TBC1D15: variants seen among roughly 807,000 people sequenced by gnomAD.
TBC1D15 encodes GAP for RAB7.
A neutral mutation model predicts 95.4 loss-of-function variants in TBC1D15; 39 were observed. The observed-to-expected ratio is 0.41, with a 90% CI of 0.32 to 0.53. The LOEUF is 0.53. Ranked by LOEUF, TBC1D15 falls within the 20% of genes least tolerant of loss-of-function variation. TBC1D15 has a pLI of 0.29. For missense variants in TBC1D15, 733 were observed against 794.3 expected, an observed-to-expected ratio of 0.92 and a Z score of 0.93; for synonymous variants, 258 against 261.3, an observed-to-expected ratio of 0.99 and a Z score of 0.12.
At chr12:71,900,677 A>G (rs558695175) in intron 10 of TBC1D15, among the ~76,000 whole-genome samples, 21 of 152,264 alleles carry the variant, frequency 1.4e-4, no homozygotes, top group African/African-American at 5.1e-4. Context: ...GCCCTAAAGG[A>G]GTTTTCATTC....
At chr12:71,904,165 A>G (rs973908196) in intron 10 of TBC1D15, among the ~76,000 whole-genome samples, 2 of 152,260 alleles carry the variant, frequency 1.3e-5, no homozygotes, top group Non-Finnish European at 2.9e-5. Flanking sequence ...TGAAAACATC[A>G]AAGTTTGATG....
At chr12:71,842,999 AT>A (rs1424232595) in intron 1 of TBC1D15, among the ~76,000 whole-genome samples, 5 of 151,728 alleles carry the variant, frequency 3.3e-5, no homozygotes, top group Non-Finnish European at 5.9e-5. Flanking sequence ...TCTATTGAAA[AT>A]TACTGGCCGG....
At chr12:71,920,633 ACTT>A in intron 14 of TBC1D15, 95 bp from the exon 15 acceptor site, 1 of 935,352 alleles carries the variant, frequency 1.1e-6, no homozygotes, top group Admixed American at 1.9e-5. Context: ...GGCAACATCT[ACTT>A]TGCATAGAAG....
intron 3 of TBC1D15, among the ~76,000 whole-genome samples, chr12:71,878,984 T>G (rs906222323): frequency 7.2e-5 from 11 of 152,170 alleles, no homozygotes; most frequent in African/African-American, 2.7e-4. Context: ...CCTTTATAGT[T>G]TCTTTTCATT....
chr12:71,871,078 A>C (rs903770249), intron 1 of TBC1D15, among the ~76,000 whole-genome samples: 4 of 152,126 alleles, frequency 2.6e-5, no homozygotes, highest in Admixed American at 6.6e-5. Flanking sequence ...AAAATTTTTA[A>C]ATGGTTTGAA....
intron 1 of TBC1D15, among the ~76,000 whole-genome samples, chr12:71,865,714 T>C (rs1293156445): frequency 6.6e-6 from 1 of 152,056 alleles, no homozygotes; most frequent in Non-Finnish European, 1.5e-5. Context: ...TGGCCTGTAG[T>C]GTGGGCTATC....
rs375027348 is a variant in TBC1D15, at chr12:71,918,596, AAC to A, written c.1599+50_1599+51del. On this transcript the variant is annotated intron_variant, in intron 14 of 16. Coordinates refer to ENST00000485960, the MANE Select transcript of TBC1D15 (RefSeq NM_001146213.3). ...AAATGTGATATTTATTATGAAAAGA[AAC>A]AATTTATTCTGTAGAGTGTAAATGA... The A allele has an allele frequency of 1.2e-3, 1,427 of 1,238,140 alleles. 13 individuals carry two copies. The African/African-American group carries it at 0.021, about 18-fold the overall frequency. 76.7% of individuals were successfully genotyped at this position (1,238,140 alleles called of 1,614,324 possible). A position where few individuals can be genotyped will look rare whatever the true frequency, so the allele number is the denominator to read the frequency against.
At chr12:71,897,987 T>C (rs1387877344) in intron 10 of TBC1D15, 46 bp downstream of exon 10, 1 of 1,385,810 alleles carries the variant, frequency 7.2e-7, no homozygotes, top group South Asian at 1.2e-5. Context: ...GGGATTACAT[T>C]GAAATCTTGA....
intron 10 of TBC1D15, among the ~76,000 whole-genome samples, chr12:71,904,130 TAAGTA>T (rs1212891890): frequency 3.3e-5 from 5 of 152,240 alleles, no homozygotes; most frequent in African/African-American, 4.8e-5. Context: ...CAGAAGAGAC[TAAGTA>T]AAGAGCCACA....
At chr12:71,906,660 A>C (rs185890987) in intron 10 of TBC1D15, among the ~76,000 whole-genome samples, 65 of 151,248 alleles carry the variant, frequency 4.3e-4, no homozygotes, top group African/African-American at 1.6e-3. Context: ...GTTTTCAAGT[A>C]CTGGTATCTA....
chr12:71,898,702 A>T (rs972340276), intron 10 of TBC1D15, among the ~76,000 whole-genome samples: 1 of 152,110 alleles, frequency 6.6e-6, no homozygotes, highest in Non-Finnish European at 1.5e-5. Flanking sequence ...CCTATATTGT[A>T]TCTGGATTTG....
At chr12:71,918,191 C>T (rs115536070) in intron 13 of TBC1D15, among the ~76,000 whole-genome samples, 7 of 152,278 alleles carry the variant, frequency 4.6e-5, no homozygotes, top group Admixed American at 1.3e-4. Context: ...TACTCTATTG[C>T]ACTTTCTTCG....
chr12:71,912,452 A>G (rs1321302369), intron 11 of TBC1D15, among the ~76,000 whole-genome samples: 1 of 152,112 alleles, frequency 6.6e-6, no homozygotes, highest in African/African-American at 2.4e-5. Flanking sequence ...TGGTGGTAAG[A>G]TGATTGGACA....
intron 1 of TBC1D15, among the ~76,000 whole-genome samples, chr12:71,841,925 T>C (rs1482543696): frequency 2.6e-5 from 4 of 152,196 alleles, no homozygotes; most frequent in Admixed American, 1.3e-4. Context: ...TACTTCCTAA[T>C]CTTTTTTCTT....
At position 71,921,463 on chromosome 12, in the gene TBC1D15, T is replaced by C; in HGVS notation, c.1803+9T>C. 1 of 1,443,206 alleles carries C rather than the reference T, an allele frequency of 6.9e-7. No homozygotes were observed. The highest frequency in any genetic ancestry group is 1.8e-4 in the Middle Eastern group (1 of 5,476). 89.4% of individuals were successfully genotyped at this position (1,443,206 alleles called of 1,614,324 possible). On this transcript the variant is annotated intron_variant, in intron 16 of 16. Coordinates refer to ENST00000485960, the MANE Select transcript of TBC1D15 (RefSeq NM_001146213.3). ...AGATGGTAAAATGCAAGGTATACAG[T>C]GTTTCAAGTAATTGCAAGATTTGTT...
intron 5 of TBC1D15, among the ~76,000 whole-genome samples, chr12:71,891,399 C>T (rs1897184778): frequency 6.6e-6 from 1 of 152,090 alleles, no homozygotes; most frequent in African/African-American, 2.4e-5. Flanking sequence ...CATCTTACTG[C>T]TGCAATGAGT....
intron 10 of TBC1D15, among the ~76,000 whole-genome samples, chr12:71,906,445 G>C (rs960980796): frequency 2.6e-5 from 4 of 152,122 alleles, no homozygotes; most frequent in African/African-American, 4.8e-5. Context: ...TTCCAAATCT[G>C]TTTCTCATGA....
chr12:71,884,961 T>G lies in TBC1D15; in HGVS notation c.494T>G (p.Phe165Cys). 6.2e-7 allele frequency: 1 copy of G among 1,614,004 alleles called. No homozygotes were observed. Among genetic ancestry groups the G allele is most frequent in the South Asian group, 1.1e-5 (1 of 91,078 alleles). The stretch of plus-strand genomic sequence containing the variant: ...GACGTCGTTCTCCCTGCTCTACACT[T>G]TCATCAAGGAGATAGCAAACTACTG... ...KDDVVLPALH[F>C]HQGDSKLLIE... Residue 165 changes from phenylalanine to cysteine, a missense_variant, in exon 5 of 17, where the codon TTT (phenylalanine) becomes TGT (cysteine). Phe to Cys is a radical substitution (Grantham distance 205). Coordinates refer to ENST00000485960, the MANE Select transcript of TBC1D15 (RefSeq NM_001146213.3).
intron 5 of TBC1D15, among the ~76,000 whole-genome samples, chr12:71,888,468 TAA>T (rs201406866): frequency 4.3e-4 from 53 of 123,220 alleles, no homozygotes; most frequent in Non-Finnish European, 5.3e-4. Context: ...AGACTTTACC[TAA>T]AAAAAAAAAA....
Sources: allele counts gnomAD v4.1 joint callset (sites outside exome capture counted in the v4.1 genomes callset), GRCh38; gene constraint gnomAD v4.1.1; transcripts MANE v1.5; gene names NCBI Gene and HGNC (gene_info 2026-07-23, HGNC 2026-07-21).